The following TRAPPC9 variants were observed in gnomAD, a reference collection of about 807,000 sequenced individuals.
TRAPPC9 encodes trafficking protein particle complex subunit 9, also known as IKK2 binding protein.
A neutral mutation model predicts 124.0 loss-of-function variants in TRAPPC9; 83 were observed. That is an observed-to-expected ratio of 0.67 (90% CI 0.56 to 0.80). The LOEUF (loss-of-function observed/expected upper bound fraction) is 0.80, where lower values mean the gene tolerates loss of function less well. Ranked by LOEUF, TRAPPC9 falls within the 30% of genes least tolerant of loss-of-function variation. The probability of loss-of-function intolerance (pLI) is 0.00; values close to 1 mark genes in which losing one functional copy is unlikely to be tolerated. For missense variants in TRAPPC9, 1,302 were observed against 1,508.3 expected, an observed-to-expected ratio of 0.86 and a Z score of 2.27; for synonymous variants, 638 against 617.5, an observed-to-expected ratio of 1.03 and a Z score of -0.49.
intron 17 of TRAPPC9, among the ~76,000 whole-genome samples, chr8:140,178,659 T>G (rs1353218889): frequency 6.6e-6 from 1 of 152,104 alleles, no homozygotes; most frequent in Admixed American, 6.5e-5. Context: ...AAATGTTCCC[T>G]CCTCTACTTT....
chr8:140,342,586 T>C (rs1305474749), intron 9 of TRAPPC9, among the ~76,000 whole-genome samples: 1 of 152,146 alleles, frequency 6.6e-6, no homozygotes, highest in East Asian at 1.9e-4. Context: ...AAACAAATTA[T>C]ACCCCTTTAC....
chr8:139,836,517 G>A (rs1451748042), intron 21 of TRAPPC9, among the ~76,000 whole-genome samples: 1 of 152,226 alleles, frequency 6.6e-6, no homozygotes, highest in African/African-American at 2.4e-5. Context: ...GTAGGGCCCA[G>A]CCCAGGCCTG....
intron 21 of TRAPPC9, among the ~76,000 whole-genome samples, chr8:139,745,912 C>T (rs35630237): frequency 0.05 from 7,680 of 152,376 alleles, 242 homozygotes; most frequent in South Asian, 0.13. Flanking sequence ...CACGCTGGCA[C>T]TGCTTCACTG....
In TRAPPC9 at chr8:140,308,758, G is replaced by A. The variant is rs541971818; in HGVS notation, c.1622+2490C>T. Among the ~76,000 whole-genome samples, 14 of 152,178 alleles carry A rather than the reference G, an allele frequency of 9.2e-5. No individual in the cohort carries two copies. In the South Asian group the frequency reaches 2.9e-3, roughly 32 times the overall value. On this transcript the variant is annotated intron_variant, in intron 10 of 22. Transcript: ENST00000438773. Reference sequence around the variant, plus strand: ...TAGCCGGTCGTGGTGCCATGCGCCTGTAGTCCCAGCTACTCAGGAGGCTGA... The same window carrying A: ...TAGCCGGTCGTGGTGCCATGCGCCTATAGTCCCAGCTACTCAGGAGGCTGA...
intron 18 of TRAPPC9, among the ~76,000 whole-genome samples, chr8:140,009,333 C>G (rs553058630): frequency 7.2e-5 from 11 of 152,292 alleles, no homozygotes; most frequent in Admixed American, 3.9e-4. Flanking sequence ...GCCCAGCTTA[C>G]TATGCTCATT....
At chr8:140,409,370 C>T (rs1338559905) in intron 5 of TRAPPC9, among the ~76,000 whole-genome samples, 13 of 152,056 alleles carry the variant, frequency 8.5e-5, no homozygotes, top group South Asian at 2.1e-4. Context: ...GCGAATGATG[C>T]GGCCTTTATG....
intron 19 of TRAPPC9, among the ~76,000 whole-genome samples, chr8:139,930,081 G>A (rs548652750): frequency 3.2e-4 from 48 of 152,332 alleles, no homozygotes; most frequent in African/African-American, 1.0e-3. Context: ...ATTGAGCATC[G>A]TGAATGGCAT....
chr8:139,876,704 CA>C (rs1587068866), intron 21 of TRAPPC9, among the ~76,000 whole-genome samples: 1 of 152,308 alleles, frequency 6.6e-6, no homozygotes, highest in East Asian at 1.9e-4. Flanking sequence ...CAACATCCTC[CA>C]TGCAACCTTA....
At chr8:140,443,430 C>T (rs1477793207) in intron 2 of TRAPPC9, among the ~76,000 whole-genome samples, 1 of 149,502 alleles carries the variant, frequency 6.7e-6, no homozygotes, top group African/African-American at 2.5e-5. Context: ...AGCAAGACTC[C>T]ATCTCAAAAA....
intron 21 of TRAPPC9, among the ~76,000 whole-genome samples, chr8:139,748,790 C>A (rs1410486536): frequency 1.3e-5 from 2 of 152,100 alleles, no homozygotes; most frequent in Non-Finnish European, 2.9e-5. Context: ...AGGGCATTTA[C>A]CTTGGGGGCA....
At chr8:140,296,684 G>A (rs2065812823) in intron 11 of TRAPPC9, among the ~76,000 whole-genome samples, 1 of 152,176 alleles carries the variant, frequency 6.6e-6, no homozygotes, top group Admixed American at 6.5e-5. Context: ...TGCTGTCTTC[G>A]AATTCCTAGT....
intron 17 of TRAPPC9, chr8:140,096,159 C>T (rs1288971640): frequency 1.3e-5 from 2 of 152,224 alleles, no homozygotes; most frequent in East Asian, 1.9e-4. Flanking sequence ...CAAACCAAGC[C>T]TCCACAAAGA....
chr8:140,002,943 C>T (rs1838499770), intron 18 of TRAPPC9, among the ~76,000 whole-genome samples: 3 of 134,958 alleles, frequency 2.2e-5, no homozygotes, highest in Non-Finnish European at 4.8e-5. Flanking sequence ...CAAAACTGTA[C>T]AATTTTACAA....
chr8:140,434,349 T>C (rs1266477466), intron 4 of TRAPPC9, among the ~76,000 whole-genome samples: 1 of 152,224 alleles, frequency 6.6e-6, no homozygotes, highest in Admixed American at 6.5e-5. Flanking sequence ...TCATTCAGCA[T>C]TCGTGGGTCT....
intron 20 of TRAPPC9, among the ~76,000 whole-genome samples, chr8:139,909,811 G>A (rs117827770): frequency 3.5e-4 from 53 of 152,324 alleles, no homozygotes; most frequent in African/African-American, 1.0e-3. Context: ...CTGTCAGTCT[G>A]TGAACCCCCT....
At chr8:140,120,534 A>G (rs929480309) in intron 17 of TRAPPC9, among the ~76,000 whole-genome samples, 1 of 151,658 alleles carries the variant, frequency 6.6e-6, no homozygotes, top group South Asian at 2.1e-4. Flanking sequence ...TCCAACAACC[A>G]TTCATCCATC....
chr8:140,254,945 G>C (rs942254517), intron 15 of TRAPPC9, among the ~76,000 whole-genome samples: 14 of 152,204 alleles, frequency 9.2e-5, no homozygotes, highest in East Asian at 5.8e-4. Context: ...AAGACGGAGA[G>C]CTTGACCAAA....
At chr8:140,244,252 A>G (rs73714818) in intron 16 of TRAPPC9, among the ~76,000 whole-genome samples, 9,502 of 152,248 alleles carry the variant, frequency 0.062, 526 homozygotes, top group African/African-American at 0.15. Flanking sequence ...GTGAGGCCTT[A>G]GACAAATCAT....
At chr8:140,401,279 CAGAA>C (rs1421669720) in intron 6 of TRAPPC9, among the ~76,000 whole-genome samples, 1 of 152,192 alleles carries the variant, frequency 6.6e-6, no homozygotes, top group Non-Finnish European at 1.5e-5. Flanking sequence ...ATTACTATGT[CAGAA>C]AGGGTAGGCT....
Sources: gnomAD v4.1 joint callset for allele counts (sites outside exome capture counted in the v4.1 genomes callset) on GRCh38, gnomAD v4.1.1 for gene constraint, MANE v1.5 for transcripts, NCBI Gene and HGNC (gene_info 2026-07-23, HGNC 2026-07-21) for gene names.